Variants in CTIF observed in about 807,000 individuals in gnomAD.
The protein encoded by CTIF is cap binding complex dependent translation initiation factor.
CTIF carries 21 observed loss-of-function variants against 66.0 expected under a neutral mutation model. The observed-to-expected ratio is 0.32, with a 90% CI of 0.23 to 0.46. The LOEUF (loss-of-function observed/expected upper bound fraction) is 0.46. Ranked by LOEUF, CTIF falls within the 20% of genes least tolerant of loss-of-function variation. The pLI, the probability that CTIF is intolerant of heterozygous loss-of-function variation, is 1.00. For synonymous variants in CTIF, 345 were observed against 326.4 expected (o/e 1.06, Z -0.62); for missense variants, 739 against 812.7 (o/e 0.91, Z 1.10).
chr18:48,565,948 G>A (rs1191643205), intron 1 of CTIF: 3 of 151,450 alleles, frequency 2.0e-5, no homozygotes, highest in Non-Finnish European at 3.0e-5. Context: ...TTGCCAGAGT[G>A]AGTTGCCCAA....
At chr18:48,591,819 C>T (rs1001099257) in intron 1 of CTIF, among the ~76,000 whole-genome samples, 1 of 152,238 alleles carries the variant, frequency 6.6e-6, no homozygotes, top group Non-Finnish European at 1.5e-5. Flanking sequence ...ACAATCATAG[C>T]TCATTGTAGC....
intron 3 of CTIF, among the ~76,000 whole-genome samples, chr18:48,646,253 G>C (rs1252584579): frequency 6.6e-6 from 1 of 150,686 alleles, no homozygotes; most frequent in Non-Finnish European, 1.5e-5. Flanking sequence ...ACAAAATAAA[G>C]TGACATTTTT....
intron 1 of CTIF, among the ~76,000 whole-genome samples, chr18:48,563,044 TGG>T (rs1387072853): frequency 6.6e-6 from 1 of 152,208 alleles, no homozygotes; most frequent in African/African-American, 2.4e-5. Flanking sequence ...CCACATAGCC[TGG>T]GGGGCATTTA....
At chr18:48,612,793 C>T (rs1008536271) in intron 1 of CTIF, among the ~76,000 whole-genome samples, 1 of 152,118 alleles carries the variant, frequency 6.6e-6, no homozygotes, top group African/African-American at 2.4e-5. Context: ...CCCCTGCAGC[C>T]CCACCTGGGC....
chr18:48,695,637 A>G (rs902939895), intron 6 of CTIF, among the ~76,000 whole-genome samples: 1 of 152,208 alleles, frequency 6.6e-6, no homozygotes, highest in Non-Finnish European at 1.5e-5. Context: ...TAGTACCTAT[A>G]TCTCAGGGCT....
intron 3 of CTIF, among the ~76,000 whole-genome samples, chr18:48,641,300 G>C (rs2090925716): frequency 6.6e-6 from 1 of 152,224 alleles, no homozygotes; most frequent in Admixed American, 6.5e-5. Context: ...GCCAAGAACA[G>C]GAAATTAATA....
At chr18:48,855,936 A>C (rs2069317515) in intron 10 of CTIF, among the ~76,000 whole-genome samples, 1 of 152,202 alleles carries the variant, frequency 6.6e-6, no homozygotes, top group Non-Finnish European at 1.5e-5. Context: ...AGTGAAGCCC[A>C]ATGAGTGTGG....
intron 1 of CTIF, among the ~76,000 whole-genome samples, chr18:48,562,511 A>T (rs1568033822): frequency 1.3e-5 from 2 of 151,682 alleles, no homozygotes; most frequent in East Asian, 1.9e-4. Flanking sequence ...TTGCCTGTTG[A>T]CTCTTCTTTC....
chr18:48,813,137 A>G (rs2068295668), intron 9 of CTIF, among the ~76,000 whole-genome samples: 1 of 152,028 alleles, frequency 6.6e-6, no homozygotes, highest in Non-Finnish European at 1.5e-5. Context: ...TACTGCCTCC[A>G]ATTCATTTTG....
intron 9 of CTIF, among the ~76,000 whole-genome samples, chr18:48,785,992 G>A (rs1429941635): frequency 6.6e-6 from 1 of 152,122 alleles, no homozygotes; most frequent in African/African-American, 2.4e-5. Flanking sequence ...TATGAATAAG[G>A]AAGCTGAGGC....
chr18:48,566,509 G>T (rs1054989485), intron 1 of CTIF: 1 of 152,260 alleles, frequency 6.6e-6, no homozygotes. Flanking sequence ...GGGCAAGGGT[G>T]GAGATTTTCA....
At chr18:48,620,423 C>T (rs183293348) in intron 2 of CTIF, among the ~76,000 whole-genome samples, 1 of 152,302 alleles carries the variant, frequency 6.6e-6, no homozygotes, top group Admixed American at 6.5e-5. Context: ...GATAGGGACC[C>T]TATCAAGCAT....
intron 2 of CTIF, 78 bp downstream of exon 2, chr18:48,619,823 T>C (rs1321917693): frequency 1.5e-6 from 2 of 1,334,408 alleles, no homozygotes; most frequent in South Asian, 1.7e-5. Context: ...CTGGGCAGCA[T>C]CCAGTTGCCT....
At chr18:48,810,290 G>T (rs1390094436) in intron 9 of CTIF, among the ~76,000 whole-genome samples, 1 of 152,004 alleles carries the variant, frequency 6.6e-6, no homozygotes, top group Non-Finnish European at 1.5e-5. Flanking sequence ...TGGTTTAGAT[G>T]ATATATTTTC....
chr18:48,685,242 G>A (rs560124620), intron 6 of CTIF, among the ~76,000 whole-genome samples: 18 of 151,080 alleles, frequency 1.2e-4, no homozygotes, highest in Non-Finnish European at 2.5e-4. Flanking sequence ...TTTTTCTTGA[G>A]ATGGAGTTTT....
intron 9 of CTIF, among the ~76,000 whole-genome samples, chr18:48,770,241 A>G (rs969014840): frequency 1.3e-5 from 2 of 152,236 alleles, no homozygotes; most frequent in African/African-American, 4.8e-5. Flanking sequence ...TGTGCCAACT[A>G]CTGCCCCAGG....
intron 9 of CTIF, among the ~76,000 whole-genome samples, chr18:48,798,329 A>C (rs1402015693): frequency 1.3e-5 from 2 of 152,198 alleles, no homozygotes; most frequent in African/African-American, 4.8e-5. Flanking sequence ...ATCACAACTG[A>C]AGCCCAGAGC....
At chr18:48,854,347 T>C (rs887296974) in intron 10 of CTIF, among the ~76,000 whole-genome samples, 1 of 152,108 alleles carries the variant, frequency 6.6e-6, no homozygotes, top group Admixed American at 6.5e-5. Context: ...ACAAAGTCAT[T>C]TGGAGTCTAA....
At chr18:48,646,833 G>A (rs953316038) in intron 3 of CTIF, among the ~76,000 whole-genome samples, 5 of 139,288 alleles carry the variant, frequency 3.6e-5, no homozygotes, top group African/African-American at 1.3e-4. Context: ...AGAGAAACTG[G>A]ATCACTCCTG....
Sources: gnomAD v4.1 joint callset for allele counts (sites outside exome capture counted in the v4.1 genomes callset) on GRCh38, gnomAD v4.1.1 for gene constraint, MANE v1.5 for transcripts, NCBI Gene and HGNC (gene_info 2026-07-23, HGNC 2026-07-21) for gene names.